The following PFKFB3 variants were observed in gnomAD, a reference collection of about 807,000 sequenced individuals.
PFKFB3 encodes 6-phosphofructo-2-kinase/fructose-2,6-bisphosphatase 3.
Under a neutral mutation model 68.0 loss-of-function variants are expected in PFKFB3, and 33 were observed. The observed-to-expected ratio is 0.49, with a 90% CI of 0.37 to 0.65. The LOEUF (loss-of-function observed/expected upper bound fraction) is 0.65, where lower values mean the gene tolerates loss of function less well. Ranked by LOEUF, PFKFB3 falls within the 30% of genes least tolerant of loss-of-function variation. The pLI, the probability that PFKFB3 is intolerant of heterozygous loss-of-function variation, is 0.00. For synonymous variants in PFKFB3, 315 were observed against 288.2 expected (o/e 1.09, Z -0.94); for missense variants, 586 against 712.2 (o/e 0.82, Z 2.02).
intron 1 of PFKFB3, among the ~76,000 whole-genome samples, chr10:6,177,415 CTCT>C (rs1842526912): frequency 2.5e-5 from 1 of 39,754 alleles, no homozygotes; most frequent in Non-Finnish European, 6.0e-5. Flanking sequence ...TTTCTTCTTT[CTCT>C]TTCTTCCTTT....
the PFKFB3 span, among the ~76,000 whole-genome samples, chr10:6,279,456 C>T: frequency 6.6e-6 from 1 of 152,146 alleles, no homozygotes. Flanking sequence ...TTTTATTTTT[C>T]CTGTTCATCA....
chr10:6,272,691 T>A, the PFKFB3 span, among the ~76,000 whole-genome samples: 3 of 151,728 alleles, frequency 2.0e-5, no homozygotes, highest in Non-Finnish European at 2.9e-5. Context: ...GGAGACTCTG[T>A]CTCAAAAAAA....
chr10:6,253,380 C>G (rs554182836), intron 14 of PFKFB3, among the ~76,000 whole-genome samples: 1 of 152,246 alleles, frequency 6.6e-6, no homozygotes, highest in South Asian at 2.1e-4. Flanking sequence ...AAACAAATTA[C>G]TCTCTCTATT....
At position 6,206,759 on chromosome 10, in the gene PFKFB3, AG is replaced by A. The variant is rs1843756681; in HGVS notation, c.76+3424del. Among the ~76,000 whole-genome samples, 4 of 138,520 alleles carry A rather than the reference AG, an allele frequency of 2.9e-5. 1 individual carries two copies. Among genetic ancestry groups the A allele is most frequent in the African/African-American group, 1.1e-4 (4 of 34,908 alleles). The allele number at this position is 138,520 out of a possible 152,430, so 90.9% of individuals were successfully genotyped here. ...CAGGAAGAGGCGCTCCTCACTTTCC[AG>A]ACTGGGCAGCCAGGCAGAGGGGGTC... On this transcript the variant is annotated intron_variant, in intron 1 of 14. Coordinates refer to ENST00000379775, the MANE Select transcript of PFKFB3 (RefSeq NM_004566.4).
chr10:6,276,920 C>G, the PFKFB3 span, among the ~76,000 whole-genome samples: 51 of 151,440 alleles, frequency 3.4e-4, no homozygotes, highest in African/African-American at 1.2e-3. Flanking sequence ...TCACCCAAAT[C>G]AAGATATATC....
chr10:6,152,279 C>A (rs1841616983), intron 1 of PFKFB3: 1 of 152,442 alleles, frequency 6.6e-6, no homozygotes, highest in African/African-American at 2.4e-5. Flanking sequence ...ATGCCTGGAA[C>A]AGTTCCTGCA....
chr10:6,288,164 G>A, the PFKFB3 span, among the ~76,000 whole-genome samples: 2 of 148,094 alleles, frequency 1.4e-5, no homozygotes, highest in South Asian at 2.2e-4. Context: ...CTGTAGGTAC[G>A]GTGTTTTTTT....
At chr10:6,243,340 A>G (rs988422884) in intron 14 of PFKFB3, among the ~76,000 whole-genome samples, 1 of 152,218 alleles carries the variant, frequency 6.6e-6, no homozygotes, top group African/African-American at 2.4e-5. Context: ...CTCAACCAAG[A>G]CTATCTTTAC....
the PFKFB3 span, among the ~76,000 whole-genome samples, chr10:6,273,621 C>T: frequency 0.019 from 2,946 of 152,260 alleles, 143 homozygotes; most frequent in East Asian, 0.18. Flanking sequence ...GAGTCCTACT[C>T]GCCAGCACCT....
At chr10:6,166,672 A>C in intron 1 of PFKFB3, among the ~76,000 whole-genome samples, 1 of 152,136 alleles carries the variant, frequency 6.6e-6, no homozygotes, top group Non-Finnish European at 1.5e-5. Context: ...GATCTTGAGT[A>C]GCACCTGTTT....
the PFKFB3 span, among the ~76,000 whole-genome samples, chr10:6,280,828 T>G: frequency 2.6e-5 from 4 of 151,898 alleles, no homozygotes; most frequent in Non-Finnish European, 5.9e-5. Context: ...TGTAGTTTTT[T>G]GGGGGAACAG....
intron 6 of PFKFB3, 70 bp from the exon 7 acceptor site, chr10:6,219,499 C>T: frequency 6.3e-7 from 1 of 1,589,292 alleles, no homozygotes; most frequent in Non-Finnish European, 8.6e-7. Context: ...TTGAAAGCCC[C>T]AAATCCTGCT....
At chr10:6,224,062 G>A (rs1035330804) in intron 12 of PFKFB3, 42 bp downstream of exon 12, 2 of 1,612,554 alleles carry the variant, frequency 1.2e-6, no homozygotes, top group Non-Finnish European at 1.7e-6. Context: ...CCTGAAGGTG[G>A]CCACAGTAGC....
chr10:6,232,959 C>G lies in PFKFB3; in HGVS notation c.*17C>G, dbSNP rs1369057748. On this transcript the variant is annotated 3_prime_UTR_variant, in exon 15 of 15. Transcript: ENST00000379775. Reference sequence around the variant, plus strand: ...AAACACTGAGGCAGACGTGTCGGTTCCATTCCATTTCCATTTCTGCAGCTT... The same window carrying G: ...AAACACTGAGGCAGACGTGTCGGTTGCATTCCATTTCCATTTCTGCAGCTT... The G allele has an allele frequency of 6.2e-7, 1 of 1,602,970 alleles. No individual in the cohort carries two copies.
At chr10:6,176,500 G>A (rs546731864) in intron 1 of PFKFB3, among the ~76,000 whole-genome samples, 1 of 152,246 alleles carries the variant, frequency 6.6e-6, no homozygotes, top group East Asian at 1.9e-4. Context: ...CTCGAATCCT[G>A]GGCTCAAGTG....
In PFKFB3 at chr10:6,220,214, G is replaced by A. The variant is rs997364098; in HGVS notation, c.624-444G>A. On this transcript the variant is annotated intron_variant, in intron 7 of 14. Transcript: ENST00000379775. The surrounding 1 kb of genome is among the most constrained non-coding windows in gnomAD (Gnocchi z 4.1). ...ACTTCTGGGCTCAAGTAATCCTACC[G>A]CCTCAGCCTCATGAGTAACTGGGAC... Among the ~76,000 whole-genome samples, 5 of 151,704 alleles carry A rather than the reference G, an allele frequency of 3.3e-5. No homozygotes were observed. The highest frequency in any genetic ancestry group is 1.9e-4 in the East Asian group (1 of 5,134).
chr10:6,262,089 A>T, the PFKFB3 span, among the ~76,000 whole-genome samples: 1 of 152,094 alleles, frequency 6.6e-6, no homozygotes, highest in Non-Finnish European at 1.5e-5. Context: ...TCTGTACAAC[A>T]AACCCCTATG....
the PFKFB3 span, among the ~76,000 whole-genome samples, chr10:6,263,647 A>G: frequency 6.6e-6 from 1 of 152,200 alleles, no homozygotes; most frequent in African/African-American, 2.4e-5. Context: ...AGGACAAAGA[A>G]GTGTGGGTGT....
At chr10:6,221,578 T>C (rs909289074) in intron 9 of PFKFB3, 51 bp downstream of exon 9, 1 of 1,611,648 alleles carries the variant, frequency 6.2e-7, no homozygotes, top group South Asian at 1.1e-5. Context: ...ATGGGGCGGC[T>C]TCCCAAGAGG....
Sources: allele counts gnomAD v4.1 joint callset (sites outside exome capture counted in the v4.1 genomes callset), GRCh38; gene constraint gnomAD v4.1.1; non-coding constraint Gnocchi (gnomAD v3.1); transcripts MANE v1.5; gene names NCBI Gene and HGNC (gene_info 2026-07-23, HGNC 2026-07-21).